Variants in ZNF507 observed in about 807,000 individuals in gnomAD.
ZNF507 encodes zinc finger protein 507.
A neutral mutation model predicts 80.0 loss-of-function variants in ZNF507; 29 were observed. That is an observed-to-expected ratio of 0.36 (90% confidence interval 0.27 to 0.49). The LOEUF (loss-of-function observed/expected upper bound fraction) is 0.49, where lower values mean the gene tolerates loss of function less well. ZNF507 is among the 20% of genes least tolerant of loss of function. ZNF507 has a pLI of 0.98. For missense variants in ZNF507, 1,081 were observed against 1,152.2 expected (o/e 0.94, Z 0.90); for synonymous variants, 462 against 422.5 (o/e 1.09, Z -1.15).
intron 5 of ZNF507, 44 bp downstream of exon 5, chr19:32,360,662 T>C: frequency 9.3e-7 from 1 of 1,075,482 alleles, no homozygotes; most frequent in Non-Finnish European, 1.3e-6. Context: ...TATTAAAATA[T>C]TTTATATTAA....
At chr19:32,362,240 A>C (rs1349565581) in intron 5 of ZNF507, among the ~76,000 whole-genome samples, 1 of 152,214 alleles carries the variant, frequency 6.6e-6, no homozygotes, top group Non-Finnish European at 1.5e-5. Context: ...ATACTGGGAA[A>C]TGTTTAGGAG....
Position 32,357,022 on chromosome 19 carries a change from A to G in ZNF507, c.2245+289A>G, listed in dbSNP as rs112029382. 2.2e-5 allele frequency: 6 copies of G among 273,066 alleles called. 1 individual carries two copies. Among genetic ancestry groups the G allele is most frequent in the African/African-American group, 1.3e-4 (6 of 45,358 alleles). The allele number at this position is 273,066 out of a possible 1,614,324, so 16.9% of individuals were successfully genotyped here. A position where few individuals can be genotyped will look rare whatever the true frequency, so the allele number is the denominator to read the frequency against. On this transcript the variant is annotated intron_variant, in intron 4 of 6. Transcript: ENST00000355898. ...TACCAGCAAGCCAGAAAAGCAAGCC[A>G]GAAAAGCTACAACATGGAAAACAGG...
intron 5 of ZNF507, among the ~76,000 whole-genome samples, chr19:32,368,056 G>A (rs1449199740): frequency 6.6e-6 from 1 of 152,124 alleles, no homozygotes; most frequent in Non-Finnish European, 1.5e-5. Flanking sequence ...CTCAGAGCCG[G>A]GGCCTGAACT....
Position 32,353,356 on chromosome 19 carries a change from AATGACC to A in ZNF507, c.532_537del (p.His178_Asp179del). 1 of 1,614,222 alleles carries A rather than the reference AATGACC, an allele frequency of 6.2e-7. No individual in the cohort carries two copies. Among genetic ancestry groups the A allele is most frequent in the Non-Finnish European group, 8.5e-7 (1 of 1,180,034 alleles). ...GGAGGAACTTGAAGCCCACGTGGTGAATGACCATGACAATGATGCCAATATCCACAC... is the reference window on the plus strand; with the variant it reads ...GGAGGAACTTGAAGCCCACGTGGTGAATGACAATGATGCCAATATCCACAC... On this transcript the variant is annotated inframe_deletion, in exon 3 of 7. Coordinates refer to ENST00000355898, the MANE Select transcript of ZNF507 (RefSeq NM_001136156.2).
chr19:32,352,605 G>T (rs556585883), intron 2 of ZNF507, among the ~76,000 whole-genome samples: 1 of 152,258 alleles, frequency 6.6e-6, no homozygotes, highest in East Asian at 1.9e-4. Context: ...TGATAGAGGG[G>T]AGTATCTTCA....
intron 6 of ZNF507, 48 bp from the exon 7 acceptor site, chr19:32,382,669 C>T: frequency 1.2e-6 from 2 of 1,611,272 alleles, no homozygotes; most frequent in Non-Finnish European, 1.7e-6. Context: ...TCTACTAGTC[C>T]TACATTGTAG....
At chr19:32,355,071 G>A in intron 3 of ZNF507, 114 bp downstream of exon 3, 1 of 1,118,098 alleles carries the variant, frequency 8.9e-7, no homozygotes, top group East Asian at 2.6e-5. Context: ...CTGGGTCCCA[G>A]AAAAGTTTGA....
At chr19:32,363,099 C>G (rs943481134) in intron 5 of ZNF507, among the ~76,000 whole-genome samples, 8 of 152,214 alleles carry the variant, frequency 5.3e-5, no homozygotes, top group African/African-American at 1.9e-4. Context: ...TTTATAATGT[C>G]TGACTTAATT....
chr19:32,360,852 G>A (rs910739997), intron 5 of ZNF507, among the ~76,000 whole-genome samples: 2 of 152,062 alleles, frequency 1.3e-5, no homozygotes, highest in Non-Finnish European at 2.9e-5. Flanking sequence ...GCTCACTGCA[G>A]CCTCGAACTC....
At position 32,345,653 on chromosome 19, in the gene ZNF507, G is replaced by A. The variant is rs899853380; in HGVS notation, c.-227G>A. On this transcript the variant is annotated 5_prime_UTR_variant, in exon 1 of 7. Transcript: ENST00000355898. ...GCCGCCATTTTGGAGCTCCGGATGA[G>A]GAGGGGGAAACCGGGGGAAAAGAGG... The A allele has an allele frequency of 6.5e-6, 1 of 152,766 alleles. No individual in the cohort carries two copies. The highest frequency in any genetic ancestry group is 6.5e-5 in the Admixed American group (1 of 15,292). The allele number at this position is 152,766 out of a possible 1,614,324, so 9.5% of individuals were successfully genotyped here. A position where few individuals can be genotyped will look rare whatever the true frequency, so the allele number is the denominator to read the frequency against.
At chr19:32,356,122 CAGG>C (rs1041877991) in intron 3 of ZNF507, among the ~76,000 whole-genome samples, 1 of 152,152 alleles carries the variant, frequency 6.6e-6, no homozygotes, top group African/African-American at 2.4e-5. Flanking sequence ...CTGAAGTCTC[CAGG>C]AGTTTCTTTT....
Position 32,380,286 on chromosome 19 carries a change from G to A in ZNF507, c.2361-2181G>A, listed in dbSNP as rs1022661504. Among the ~76,000 whole-genome samples the A allele has an allele frequency of 1.1e-4, 17 of 152,076 alleles. No individual in the cohort carries two copies. The East Asian group carries it at 2.7e-3, about 24-fold the overall frequency. On this transcript the variant is annotated intron_variant, in intron 5 of 6. Transcript: ENST00000355898. ...TAGGAGGATCACTTGAGTCCAGGAG[G>A]CCAAGGCTGCAGTGAGCCATGATTC...
At chr19:32,372,799 C>T (rs1967492303) in intron 5 of ZNF507, among the ~76,000 whole-genome samples, 1 of 152,036 alleles carries the variant, frequency 6.6e-6, no homozygotes, top group Non-Finnish European at 1.5e-5. Context: ...CCCTGCCTCC[C>T]AGTACAGCCA....
intron 5 of ZNF507, among the ~76,000 whole-genome samples, chr19:32,370,172 T>G (rs1026002311): frequency 6.6e-6 from 1 of 152,230 alleles, no homozygotes; most frequent in Non-Finnish European, 1.5e-5. Flanking sequence ...ACACTTAGGT[T>G]GTTTCCATAC....
chr19:32,354,680 G>T lies in ZNF507; in HGVS notation c.1850G>T (p.Cys617Phe). ...AAAGAGTTGCAGGACAACGCCCAGT[G>T]CCAACCCAACAGCGATACAAGTTTG... The part of the protein sequence containing the change: ...ILKELQDNAQ[C>F]QPNSDTSLSG... The change falls in exon 3 of 7, where the codon TGC becomes TTC. Residue 617 changes from cysteine to phenylalanine, a missense_variant. Cys to Phe is a radical substitution (Grantham distance 205). Coordinates refer to ENST00000355898, the MANE Select transcript of ZNF507 (RefSeq NM_001136156.2). 1 of 1,614,154 alleles carries T rather than the reference G, an allele frequency of 6.2e-7. No homozygotes were observed.
At chr19:32,377,203 A>G (rs894086055) in intron 5 of ZNF507, among the ~76,000 whole-genome samples, 9 of 152,094 alleles carry the variant, frequency 5.9e-5, no homozygotes, top group African/African-American at 2.2e-4. Flanking sequence ...CCAGTCTGCT[A>G]AGTAGCGAGT....
intron 5 of ZNF507, among the ~76,000 whole-genome samples, chr19:32,377,561 G>T (rs1967567488): frequency 6.6e-6 from 1 of 152,038 alleles, no homozygotes; most frequent in Non-Finnish European, 1.5e-5. Flanking sequence ...TATTATACTG[G>T]AACAGCTCGT....
At chr19:32,356,477 A>C in intron 3 of ZNF507, 139 bp from the exon 4 acceptor site, 1 of 600,344 alleles carries the variant, frequency 1.7e-6, no homozygotes, top group Admixed American at 3.0e-5. Context: ...GTGTCAAATG[A>C]TCCTTTAGCA....
chr19:32,351,419 C>CTGTGTGTGTGTG (rs5823), intron 2 of ZNF507, among the ~76,000 whole-genome samples: 1,480 of 52,812 alleles, frequency 0.028, 79 homozygotes, highest in Admixed American at 0.032. Flanking sequence ...AGCTGGTCAG[C>CTGTGTGTGTGTG]TGTGTGTGTG....
Sources: allele counts gnomAD v4.1 joint callset (sites outside exome capture counted in the v4.1 genomes callset), GRCh38; gene constraint gnomAD v4.1.1; transcripts MANE v1.5; gene names NCBI Gene and HGNC (gene_info 2026-07-23, HGNC 2026-07-21).